Variants in ROBO2 observed in about 807,000 individuals in gnomAD.
ROBO2 encodes the protein roundabout homolog 2.
In ROBO2, 53 loss-of-function variants were observed where a neutral mutation model predicts 160.8. That is an observed-to-expected ratio of 0.33 (90% CI 0.26 to 0.41). The LOEUF is 0.41. ROBO2 is among the 10% of genes least tolerant of loss of function. The probability of loss-of-function intolerance (pLI) is 1.00; values close to 1 mark genes in which losing one functional copy is unlikely to be tolerated. For missense variants in ROBO2, 1,577 were observed against 1,722.4 expected (o/e 0.92, Z 1.49); for synonymous variants, 664 against 611.7 (o/e 1.09, Z -1.26).
intron 2 of ROBO2, among the ~76,000 whole-genome samples, chr3:76,133,584 G>A (rs900281143): frequency 6.6e-6 from 1 of 152,042 alleles, no homozygotes; most frequent in Non-Finnish European, 1.5e-5. Flanking sequence ...CACAAAAGTA[G>A]GGAAGCCGAC....
chr3:77,646,091 AC>A, exon 26 of ROBO2: 1 of 1,570,574 alleles, frequency 6.4e-7, no homozygotes, highest in Non-Finnish European at 8.7e-7. Flanking sequence ...GCTCTGAAGG[AC>A]CATCAGGTCC....
In ROBO2 at chr3:76,622,187, A is replaced by AGGATGG. The variant is rs765638700; in HGVS notation, c.110-475827_110-475826insGGATGG. Reference sequence around the variant, plus strand: ...AGCAAGACCTCATATCTACTAAAAAAAAGAAAGGAAGGAAGGAAGGAAGGA... The same window carrying AGGATGG: ...AGCAAGACCTCATATCTACTAAAAAAGGATGGAAGAAAGGAAGGAAGGAAGGAAGGA... On this transcript the variant is annotated intron_variant, in intron 2 of 26. Coordinates refer to the ROBO2 transcript ENST00000487694. 3.5e-5 allele frequency among the ~76,000 whole-genome samples: 2 copies of AGGATGG among 57,184 alleles called. 1 individual carries two copies. Among genetic ancestry groups the AGGATGG allele is most frequent in the Non-Finnish European group, 7.2e-5 (2 of 27,958 alleles). 37.5% of individuals were successfully genotyped at this position (57,184 alleles called of 152,430 possible).
intron 2 of ROBO2, among the ~76,000 whole-genome samples, chr3:76,208,447 C>T (rs939432676): frequency 1.3e-5 from 2 of 152,078 alleles, no homozygotes; most frequent in African/African-American, 2.4e-5. Flanking sequence ...ACTCTAAATT[C>T]TATGTATCCC....
At chr3:76,478,669 C>CTT in intron 2 of ROBO2, among the ~76,000 whole-genome samples, 1 of 146,210 alleles carries the variant, frequency 6.8e-6, no homozygotes, top group Middle Eastern at 3.6e-3. Context: ...ACATCACACA[C>CTT]TTTTTTCTCT....
intron 2 of ROBO2, among the ~76,000 whole-genome samples, chr3:76,027,906 A>C (rs2066796285): frequency 6.6e-6 from 1 of 151,946 alleles, no homozygotes; most frequent in Admixed American, 6.6e-5. Flanking sequence ...TAGACAGATG[A>C]GGGTAGGATA....
chr3:77,566,564 G>A (rs2153664770), intron 12 of ROBO2, among the ~76,000 whole-genome samples: 1 of 152,182 alleles, frequency 6.6e-6, no homozygotes, highest in East Asian at 1.9e-4. Context: ...TGTAGCCAGT[G>A]AAACGTAGAG....
intron 2 of ROBO2, among the ~76,000 whole-genome samples, chr3:77,178,578 CAA>C (rs1020681766): frequency 6.6e-6 from 1 of 151,896 alleles, no homozygotes; most frequent in Non-Finnish European, 1.5e-5. Context: ...AGAGAGCCAG[CAA>C]AGAGAACATT....
At chr3:76,213,230 G>A (rs774519291) in intron 2 of ROBO2, among the ~76,000 whole-genome samples, 4 of 152,110 alleles carry the variant, frequency 2.6e-5, no homozygotes, top group South Asian at 2.1e-4. Context: ...AGAGGTACTC[G>A]CTTTCAGACA....
At chr3:76,610,811 G>A (rs148935414) in intron 2 of ROBO2, among the ~76,000 whole-genome samples, 253 of 152,062 alleles carry the variant, frequency 1.7e-3, no homozygotes, top group Non-Finnish European at 2.7e-3. Context: ...CTTCTCCTGC[G>A]GTCCAGCGAG....
In ROBO2 at chr3:76,760,893, T is replaced by C. The variant is rs1373820819; in HGVS notation, c.110-337121T>C. ...ATTTGCAGATTTGTTTTTAATATGGTACATTTATTGTTCTACAACCTTGTA... is the reference window on the plus strand; with the variant it reads ...ATTTGCAGATTTGTTTTTAATATGGCACATTTATTGTTCTACAACCTTGTA... On this transcript the variant is annotated intron_variant, in intron 2 of 26. Coordinates refer to the ROBO2 transcript ENST00000487694. Among the ~76,000 whole-genome samples, 4 of 151,886 alleles carry C rather than the reference T, an allele frequency of 2.6e-5. No homozygotes were observed. In the East Asian group the frequency reaches 7.8e-4, roughly 30 times the overall value.
At chr3:77,569,830 G>A (rs775732) in intron 13 of ROBO2, among the ~76,000 whole-genome samples, 115,309 of 151,706 alleles carry the variant, frequency 0.76, 44,075 homozygotes, top group African/African-American at 0.82. Flanking sequence ...AAATTGGGTT[G>A]TATATATTTT....
intron 2 of ROBO2, among the ~76,000 whole-genome samples, chr3:76,870,960 T>C: frequency 6.6e-6 from 1 of 152,192 alleles, no homozygotes; most frequent in East Asian, 1.9e-4. Flanking sequence ...CATAGACATT[T>C]TTATATAACA....
At chr3:76,378,503 C>T (rs2076459723) in intron 2 of ROBO2, among the ~76,000 whole-genome samples, 1 of 152,148 alleles carries the variant, frequency 6.6e-6, no homozygotes, top group African/African-American at 2.4e-5. Flanking sequence ...ATCATCCCTC[C>T]ATCAATCCTT....
At chr3:76,162,817 T>C (rs557018103) in intron 2 of ROBO2, among the ~76,000 whole-genome samples, 11 of 152,298 alleles carry the variant, frequency 7.2e-5, no homozygotes, top group African/African-American at 2.6e-4. Context: ...GACATCCCTA[T>C]ACTACTCCTT....
intron 23 of ROBO2, among the ~76,000 whole-genome samples, chr3:77,628,405 T>TTTCA (rs2095079857): frequency 1.3e-5 from 2 of 150,310 alleles, no homozygotes; most frequent in Admixed American, 6.6e-5. Flanking sequence ...ATGTTTTTAT[T>TTTCA]TTCATTCATT....
intron 2 of ROBO2, among the ~76,000 whole-genome samples, chr3:76,580,411 T>G (rs2085626241): frequency 6.7e-6 from 1 of 149,242 alleles, no homozygotes; most frequent in Non-Finnish European, 1.5e-5. Flanking sequence ...CTCCATGGAT[T>G]TTTGCCACTT....
At chr3:76,099,072 T>A (rs1053989621) in intron 2 of ROBO2, among the ~76,000 whole-genome samples, 2 of 152,192 alleles carry the variant, frequency 1.3e-5, no homozygotes, top group Admixed American at 1.3e-4. Context: ...TAAAATGATA[T>A]GTGGATTTTC....
intron 2 of ROBO2, among the ~76,000 whole-genome samples, chr3:76,682,464 A>G (rs1480359402): frequency 6.6e-6 from 1 of 151,930 alleles, no homozygotes; most frequent in Admixed American, 6.6e-5. Flanking sequence ...GCTGGAGTGC[A>G]GTAGCACGAT....
chr3:77,444,981 T>C (rs2080317566), intron 2 of ROBO2, among the ~76,000 whole-genome samples: 2 of 152,202 alleles, frequency 1.3e-5, no homozygotes, highest in African/African-American at 4.8e-5. Context: ...CCAAGCTGAT[T>C]TGGTGTTCTC....
Sources: allele counts gnomAD v4.1 joint callset (sites outside exome capture counted in the v4.1 genomes callset), GRCh38; gene constraint gnomAD v4.1.1; transcripts MANE v1.5; gene names NCBI Gene and HGNC (gene_info 2026-07-23, HGNC 2026-07-21).